The following GALNT18 variants were observed in gnomAD, a reference collection of about 807,000 sequenced individuals.
GALNT18 encodes the protein GalNAc-transferase 18.
GALNT18 carries 44 observed loss-of-function variants against 69.5 expected under a neutral mutation model. The observed-to-expected ratio is 0.63, with a 90% CI of 0.50 to 0.81. The LOEUF (loss-of-function observed/expected upper bound fraction) is 0.81. Among genes scored for constraint, GALNT18 ranks in the 40% least tolerant of loss-of-function variants. The probability of loss-of-function intolerance (pLI) is 0.00; values close to 1 mark genes in which losing one functional copy is unlikely to be tolerated. For missense variants in GALNT18, 715 were observed against 810.0 expected (o/e 0.88, Z 1.42); for synonymous variants, 364 against 318.2 (o/e 1.14, Z -1.53).
In GALNT18 at chr11:11,380,397, T is replaced by C. The variant is rs1853882146; in HGVS notation, c.596-1133A>G. Reference sequence around the variant, plus strand: ...TTCATGATTTCAAATTCTCTAATCATGTTGAACTTCCCTCTAATTAAGTTA... The same window carrying C: ...TTCATGATTTCAAATTCTCTAATCACGTTGAACTTCCCTCTAATTAAGTTA... On this transcript the variant is annotated intron_variant, in intron 3 of 10. Coordinates refer to ENST00000227756, the MANE Select transcript of GALNT18 (RefSeq NM_198516.3). Among the ~76,000 whole-genome samples the C allele has an allele frequency of 2.0e-5, 3 of 152,374 alleles. No homozygotes were observed. In the South Asian group the frequency reaches 6.2e-4, roughly 32 times the overall value.
At chr11:11,360,096 A>C (rs1250861490) in intron 6 of GALNT18, among the ~76,000 whole-genome samples, 2 of 152,198 alleles carry the variant, frequency 1.3e-5, no homozygotes, top group African/African-American at 4.8e-5. Flanking sequence ...TCCACCGTAC[A>C]ACAATGGGTC....
rs919560090 is a variant in GALNT18 at position 11,398,956 on chromosome 11, T to C, written c.596-19692A>G. Among the ~76,000 whole-genome samples the C allele has an allele frequency of 2.0e-5, 3 of 151,128 alleles. No homozygotes were observed. In the East Asian group the frequency reaches 5.9e-4, roughly 30 times the overall value. ...GCAGAGGATAGCAGGTGCACAGGAGTGAGAGGGAGCTGGAGCTGAAAGGAA... is the reference window on the plus strand; with the variant it reads ...GCAGAGGATAGCAGGTGCACAGGAGCGAGAGGGAGCTGGAGCTGAAAGGAA... On this transcript the variant is annotated intron_variant, in intron 3 of 10. Coordinates refer to ENST00000227756, the MANE Select transcript of GALNT18 (RefSeq NM_198516.3).
intron 9 of GALNT18, among the ~76,000 whole-genome samples, chr11:11,317,378 C>T (rs1224705045): frequency 6.6e-6 from 1 of 152,170 alleles, no homozygotes; most frequent in Non-Finnish European, 1.5e-5. Context: ...CACTGGGTCC[C>T]GTTATAAGTT....
At position 11,618,664 on chromosome 11, in the gene GALNT18, G is replaced by A. The variant is rs1417427878; in HGVS notation, c.235+2695C>T. Among the ~76,000 whole-genome samples, 7 of 152,172 alleles carry A rather than the reference G, an allele frequency of 4.6e-5. No individual in the cohort carries two copies. The highest frequency in any genetic ancestry group is 2.6e-4 in the Admixed American group (4 of 15,286). ...TCCCTATACTATCATATACCAGTGTGTGACCCTGGACAAATCATATACCCT... is the reference window on the plus strand; with the variant it reads ...TCCCTATACTATCATATACCAGTGTATGACCCTGGACAAATCATATACCCT... On this transcript the variant is annotated intron_variant, in intron 1 of 10. Coordinates refer to ENST00000227756, the MANE Select transcript of GALNT18 (RefSeq NM_198516.3). This position sits in a 1 kb window ranked among gnomAD's most constrained non-coding sequence, Gnocchi z 6.1.
intron 1 of GALNT18, among the ~76,000 whole-genome samples, chr11:11,462,315 C>T (rs185377227): frequency 5.4e-5 from 8 of 148,680 alleles, no homozygotes; most frequent in South Asian, 4.3e-4. Flanking sequence ...CTTGCTCTGT[C>T]GCCCAGGCTG....
At chr11:11,495,225 G>A (rs1487048407) in intron 1 of GALNT18, among the ~76,000 whole-genome samples, 1 of 152,194 alleles carries the variant, frequency 6.6e-6, no homozygotes, top group Non-Finnish European at 1.5e-5. Flanking sequence ...ACTCAACAAA[G>A]TAAGATGAAG....
intron 1 of GALNT18, among the ~76,000 whole-genome samples, chr11:11,506,859 G>A (rs1177755189): frequency 6.6e-6 from 1 of 152,144 alleles, no homozygotes; most frequent in Non-Finnish European, 1.5e-5. Flanking sequence ...CATGGAAAAT[G>A]GCCAGCCTGT....
chr11:11,588,010 T>C (rs1859266624), intron 1 of GALNT18, among the ~76,000 whole-genome samples: 1 of 152,082 alleles, frequency 6.6e-6, no homozygotes, highest in African/African-American at 2.4e-5. Flanking sequence ...GTCCTTCTGC[T>C]TGAGGCTCCT....
rs1234687863 is a variant in GALNT18 at position 11,444,757 on chromosome 11, C to A, written c.428+3987G>T. Among the ~76,000 whole-genome samples, 1 of 152,126 alleles carries A rather than the reference C, an allele frequency of 6.6e-6. No individual in the cohort carries two copies. On this transcript the variant is annotated intron_variant, in intron 2 of 10. Coordinates refer to ENST00000227756, the MANE Select transcript of GALNT18 (RefSeq NM_198516.3). The surrounding 1 kb of genome is among the most constrained non-coding windows in gnomAD (Gnocchi z 4.4). The stretch of plus-strand genomic sequence containing the variant: ...GATCTAGGAATGAAGCCAAGAATAA[C>A]ATCAGGGTTAGAATTTGGAAGAAAA...
chr11:11,272,233 A>G (rs558719840), intron 10 of GALNT18, among the ~76,000 whole-genome samples: 1 of 152,244 alleles, frequency 6.6e-6, no homozygotes, highest in South Asian at 2.1e-4. Context: ...TCATTTATCT[A>G]TCCTTTCAGC....
At chr11:11,376,350 C>T (rs12281260) in intron 5 of GALNT18, among the ~76,000 whole-genome samples, 5 of 151,098 alleles carry the variant, frequency 3.3e-5, no homozygotes, top group Non-Finnish European at 7.4e-5. Context: ...CCATTGCCCT[C>T]CAGCCTGGGT....
intron 6 of GALNT18, among the ~76,000 whole-genome samples, chr11:11,358,862 C>CACACACACACACACACACACAT (rs61671324): frequency 7.2e-6 from 1 of 138,372 alleles, no homozygotes; most frequent in Non-Finnish European, 1.6e-5. Context: ...CACACACACA[C>CACACACACACACACACACACAT]GCACAGACAT....
At position 11,389,243 on chromosome 11, in the gene GALNT18, A is replaced by G. The variant is rs1854124970; in HGVS notation, c.596-9979T>C. Among the ~76,000 whole-genome samples the G allele has an allele frequency of 6.6e-6, 1 of 152,224 alleles. No homozygotes were observed. The highest frequency in any genetic ancestry group is 1.5e-5 in the Non-Finnish European group (1 of 68,028). On this transcript the variant is annotated intron_variant, in intron 3 of 10. Transcript: ENST00000227756. This position sits in a 1 kb window ranked among gnomAD's most constrained non-coding sequence, Gnocchi z 4.3. ...GCCTCTGAAGACTTGGCTCTTTTCC[A>G]GTCTGTCCAGCAGCCTTCCGAAGGA... is the stretch of plus-strand genomic sequence containing the variant.
At chr11:11,491,858 T>G (rs189357818) in intron 1 of GALNT18, among the ~76,000 whole-genome samples, 4 of 152,002 alleles carry the variant, frequency 2.6e-5, no homozygotes, top group Admixed American at 2.6e-4. Context: ...AGCAAGACAA[T>G]CTCACTTGGC....
intron 1 of GALNT18, among the ~76,000 whole-genome samples, chr11:11,522,063 CCA>C (rs1478989750): frequency 6.6e-6 from 1 of 152,128 alleles, no homozygotes; most frequent in Non-Finnish European, 1.5e-5. Context: ...GCCATGTCAG[CCA>C]CACTGGGGCG....
At chr11:11,329,998 G>T (rs1394489273) in intron 8 of GALNT18, among the ~76,000 whole-genome samples, 1 of 152,148 alleles carries the variant, frequency 6.6e-6, no homozygotes, top group Non-Finnish European at 1.5e-5. Context: ...CAGAAGCCAG[G>T]CATGTCTGTT....
rs1026977545 is a variant in GALNT18, at chr11:11,496,405, C to G, written c.236-47469G>C. Among the ~76,000 whole-genome samples the G allele has an allele frequency of 3.3e-5, 5 of 152,160 alleles. No homozygotes were observed. Among genetic ancestry groups the G allele is most frequent in the African/African-American group, 9.7e-5 (4 of 41,440 alleles). Reference sequence around the variant, plus strand: ...CAGCTCTTGCCTGACTCAGTTGAACCCAACTAGCAGCCCCTCAAGTTTAGC... The same window carrying G: ...CAGCTCTTGCCTGACTCAGTTGAACGCAACTAGCAGCCCCTCAAGTTTAGC... On this transcript the variant is annotated intron_variant, in intron 1 of 10. Coordinates refer to ENST00000227756, the MANE Select transcript of GALNT18 (RefSeq NM_198516.3). The surrounding 1 kb of genome is among the most constrained non-coding windows in gnomAD (Gnocchi z 4.0).
intron 3 of GALNT18, among the ~76,000 whole-genome samples, chr11:11,397,445 A>T (rs1835583246): frequency 6.6e-6 from 1 of 152,130 alleles, no homozygotes. Context: ...ACCCAGAATA[A>T]TTAGGACCTG....
chr11:11,612,465 C>T (rs1035031087), intron 1 of GALNT18, among the ~76,000 whole-genome samples: 5 of 152,194 alleles, frequency 3.3e-5, no homozygotes, highest in African/African-American at 1.2e-4. Flanking sequence ...CTCTCATATC[C>T]ATTGGCCTAA....
Sources: allele counts gnomAD v4.1 joint callset (sites outside exome capture counted in the v4.1 genomes callset), GRCh38; gene constraint gnomAD v4.1.1; non-coding constraint Gnocchi (gnomAD v3.1); transcripts MANE v1.5; gene names NCBI Gene and HGNC (gene_info 2026-07-23, HGNC 2026-07-21).